The following PADI1 variants were observed in gnomAD, a reference collection of about 807,000 sequenced individuals.
PADI1 encodes the protein peptidyl arginine deiminase 1.
In PADI1, 65 loss-of-function variants were observed where a neutral mutation model predicts 74.8. The ratio of observed to expected loss-of-function variants is 0.87; its 90% CI spans 0.71 to 1.07. PADI1 has a LOEUF of 1.07. PADI1 is among the 50% of genes least tolerant of loss of function. The pLI is 0.00. For missense variants in PADI1, 943 were observed against 854.0 expected (o/e 1.10, Z -1.30); for synonymous variants, 371 against 336.2 (o/e 1.10, Z -1.13).
chr1:17,242,973 C>T (rs1365327435), intron 15 of PADI1, among the ~76,000 whole-genome samples: 2 of 152,084 alleles, frequency 1.3e-5, no homozygotes, highest in African/African-American at 4.8e-5. Context: ...ACTGACCTCA[C>T]GGGACCCTCC....
At chr1:17,243,690 G>A (rs1230259316) in intron 15 of PADI1, among the ~76,000 whole-genome samples, 1 of 152,218 alleles carries the variant, frequency 6.6e-6, no homozygotes, top group East Asian at 1.9e-4. Context: ...TTCTAACAAA[G>A]TTGCTATAAT....
intron 11 of PADI1, among the ~76,000 whole-genome samples, chr1:17,235,799 C>T (rs2072627956): frequency 6.6e-6 from 1 of 152,158 alleles, no homozygotes. Flanking sequence ...ACATCCTTAC[C>T]TGTCTGCTCC....
chr1:17,236,289 T>G (rs2072638818), intron 11 of PADI1, among the ~76,000 whole-genome samples: 1 of 152,208 alleles, frequency 6.6e-6, no homozygotes, highest in Non-Finnish European at 1.5e-5. Context: ...TTTAATTTTC[T>G]GGGACTCAAC....
intron 2 of PADI1, among the ~76,000 whole-genome samples, chr1:17,222,802 C>T (rs182893109): frequency 4.3e-4 from 65 of 152,284 alleles, no homozygotes; most frequent in African/African-American, 1.4e-3. Context: ...CCAGTGCTCT[C>T]GTGTGGGCAG....
At chr1:17,217,033 AGGAGAGGAGGAGAGGGGAGGGAGGG>A in intron 1 of PADI1, among the ~76,000 whole-genome samples, 1 of 82,462 alleles carries the variant, frequency 1.2e-5, no homozygotes. Flanking sequence ...GAGGGAGGGG[AGGAGAGGAGGAGAGGGGAGGGAGGG>A]GAGGAGAGGA....
chr1:17,239,856 T>C (rs914542162), intron 14 of PADI1, 73 bp downstream of exon 14: 4 of 1,269,636 alleles, frequency 3.2e-6, no homozygotes, highest in Non-Finnish European at 4.5e-6. Flanking sequence ...AGGAACTGGG[T>C]TGGGTCAGAG....
chr1:17,230,446 T>C, intron 9 of PADI1, 126 bp from the exon 10 acceptor site: 1 of 735,730 alleles, frequency 1.4e-6, no homozygotes, highest in Non-Finnish European at 2.2e-6. Context: ...CACTTCTACC[T>C]CTGCCCCTCA....
chr1:17,219,342 G>A (rs1163505649), intron 1 of PADI1, among the ~76,000 whole-genome samples: 1 of 152,154 alleles, frequency 6.6e-6, no homozygotes, highest in Non-Finnish European at 1.5e-5. Flanking sequence ...AGCCTTCAAA[G>A]GTCAAGCGTC....
intron 11 of PADI1, among the ~76,000 whole-genome samples, chr1:17,235,830 G>A (rs2072628493): frequency 6.6e-6 from 1 of 152,148 alleles, no homozygotes; most frequent in Non-Finnish European, 1.5e-5. Context: ...ACGAGCCAGT[G>A]AGCCAAGCCA....
At chr1:17,243,943 G>T in intron 15 of PADI1, 67 bp from the exon 16 acceptor site, 4 of 1,129,526 alleles carry the variant, frequency 3.5e-6, no homozygotes, top group Non-Finnish European at 5.2e-6. Flanking sequence ...ATTCTGGCAA[G>T]GAAGGGGTGC....
intron 1 of PADI1, among the ~76,000 whole-genome samples, chr1:17,207,025 A>T (rs1162878020): frequency 2.6e-5 from 4 of 152,168 alleles, no homozygotes; most frequent in Admixed American, 2.6e-4. Context: ...GTATCTGGGA[A>T]TCTACTTTCA....
chr1:17,215,387 A>G (rs543613520), intron 1 of PADI1, among the ~76,000 whole-genome samples: 2 of 130,172 alleles, frequency 1.5e-5, no homozygotes, highest in East Asian at 1.9e-4. Flanking sequence ...TTTCATCATC[A>G]TCATCATCGT....
rs113081455 is a variant in PADI1 at position 17,230,948 on chromosome 1, G to A, written c.1161+269G>A. 2.8e-3 allele frequency among the ~76,000 whole-genome samples: 426 copies of A among 152,296 alleles called. 3 individuals are homozygous for A. The highest frequency in any genetic ancestry group is 9.3e-3 in the African/African-American group (386 of 41,562). On this transcript the variant is annotated intron_variant, in intron 10 of 15. Transcript: ENST00000375471. ...TCAGCAGCCCTCTTCTGGATAAGGC[G>A]GCTGGTCACCAAGGGGGAATTGGCA...
At chr1:17,228,887 G>T (rs971347604) in intron 7 of PADI1, 61 bp from the exon 8 acceptor site, 2 of 1,582,610 alleles carry the variant, frequency 1.3e-6, no homozygotes, top group Admixed American at 1.7e-5. Flanking sequence ...TGGGGGCTGG[G>T]GGGGCTTGAG....
chr1:17,232,908 C>G lies in PADI1; in HGVS notation c.1251C>G (p.Pro417=), dbSNP rs762194400. 8.7e-6 allele frequency: 14 copies of G among 1,613,186 alleles called. No individual in the cohort carries two copies. Among genetic ancestry groups the G allele is most frequent in the Admixed American group, 5.0e-5 (3 of 59,962 alleles). The change falls in exon 11 of 16, where the codon CCC becomes CCG. Residue 417 remains proline, a synonymous_variant. Coordinates refer to ENST00000375471, the MANE Select transcript of PADI1 (RefSeq NM_013358.3). ...DSFGNLDVSP[P]VTVGGTEYPL... ...TCGGCAACCTGGACGTCAGCCCGCC[C>G]GTCACGGTGGGCGGCACGGAATACC... is the stretch of plus-strand genomic sequence containing the variant.
chr1:17,232,843 C>T lies in PADI1; in HGVS notation c.1186C>T (p.Arg396Trp), dbSNP rs202105899. The change falls in exon 11 of 16, where the codon CGG becomes TGG. Residue 396 changes from arginine to tryptophan, a missense_variant. By Grantham distance (101) the Arg-to-Trp change is moderately radical (BLOSUM62 -3). Transcript: ENST00000375471. ...ILGPDFGYVTREIPLPGPSSL... is the reference protein window; with the variant it reads ...ILGPDFGYVTWEIPLPGPSSL... ...GGGTCCTGACTTTGGATATGTTACC[C>T]GGGAGATCCCGCTCCCTGGTCCCTC... is the stretch of plus-strand genomic sequence containing the variant. 18 of 1,613,172 alleles carry T rather than the reference C, an allele frequency of 1.1e-5. No homozygotes were observed. In the East Asian group the frequency reaches 1.3e-4, roughly 12 times the overall value.
intron 11 of PADI1, among the ~76,000 whole-genome samples, chr1:17,235,188 AGAAG>A (rs1324182462): frequency 1.5e-4 from 11 of 75,448 alleles, no homozygotes; most frequent in Admixed American, 2.6e-4. Context: ...AAGGAAGGAA[AGAAG>A]GAAGGAAGGG....
chr1:17,232,187 C>A (rs1166801827), intron 10 of PADI1, among the ~76,000 whole-genome samples: 1 of 152,084 alleles, frequency 6.6e-6, no homozygotes, highest in Non-Finnish European at 1.5e-5. Context: ...ACCTCGTGAT[C>A]CACCCACCTC....
At chr1:17,222,171 T>C (rs892020704) in intron 1 of PADI1, 119 bp from the exon 2 acceptor site, 24 of 687,204 alleles carry the variant, frequency 3.5e-5, no homozygotes, top group Admixed American at 8.2e-5. Context: ...CTCCCCAGCC[T>C]GACTGTTGAG....
Sources: allele counts gnomAD v4.1 joint callset (sites outside exome capture counted in the v4.1 genomes callset), GRCh38; gene constraint gnomAD v4.1.1; transcripts MANE v1.5; gene names NCBI Gene and HGNC (gene_info 2026-07-23, HGNC 2026-07-21).